FUT8: variants seen among roughly 807,000 people sequenced by gnomAD.
FUT8 encodes fucosyltransferase 8.
In FUT8, 29 loss-of-function variants were observed where a neutral mutation model predicts 71.3. The observed-to-expected ratio is 0.41, with a 90% CI of 0.30 to 0.55. The LOEUF is 0.55. Ranked by LOEUF, FUT8 falls within the 20% of genes least tolerant of loss-of-function variation. FUT8 has a pLI of 0.34. For missense variants in FUT8, 544 were observed against 702.1 expected (o/e 0.77, Z 2.55); for synonymous variants, 254 against 239.3 (o/e 1.06, Z -0.57).
intron 5 of FUT8, among the ~76,000 whole-genome samples, chr14:65,618,158 T>C (rs1451801382): frequency 6.6e-6 from 1 of 150,648 alleles, no homozygotes; most frequent in Non-Finnish European, 1.5e-5. Context: ...CTCGTCAGCC[T>C]CCTGTGTAGC....
intron 2 of FUT8, among the ~76,000 whole-genome samples, chr14:65,477,418 G>C (rs903291551): frequency 6.6e-6 from 1 of 152,134 alleles, no homozygotes; most frequent in African/African-American, 2.4e-5. Flanking sequence ...AAGACTAGAT[G>C]CTCAGGAGCA....
chr14:65,362,651 A>G, the FUT8 span, among the ~76,000 whole-genome samples: 1 of 152,164 alleles, frequency 6.6e-6, no homozygotes, highest in Non-Finnish European at 1.5e-5. Flanking sequence ...GACCCCAGAT[A>G]TCCTCTGATT....
chr14:65,511,010 GT>G (rs1882304211), intron 2 of FUT8, among the ~76,000 whole-genome samples: 1 of 151,772 alleles, frequency 6.6e-6, no homozygotes, highest in Non-Finnish European at 1.5e-5. Context: ...TATATTTAAA[GT>G]TTTTCTTCCT....
intron 7 of FUT8, among the ~76,000 whole-genome samples, chr14:65,705,816 T>G (rs1230292636): frequency 6.6e-6 from 1 of 152,238 alleles, no homozygotes; most frequent in African/African-American, 2.4e-5. Flanking sequence ...TAGTCATTTA[T>G]TGAATATTTT....
intron 2 of FUT8, among the ~76,000 whole-genome samples, chr14:65,549,425 C>T (rs1195573574): frequency 6.6e-6 from 1 of 151,902 alleles, no homozygotes; most frequent in Non-Finnish European, 1.5e-5. Flanking sequence ...GGTTTACCCC[C>T]CAATCTTGTG....
chr14:65,386,549 G>T, the FUT8 span, among the ~76,000 whole-genome samples: 181 of 150,068 alleles, frequency 1.2e-3, 2 homozygotes, highest in Admixed American at 1.5e-3. Context: ...GTTCAACTTG[G>T]GTCTTCGTTT....
chr14:65,602,144 C>T (rs1257671987), intron 3 of FUT8, among the ~76,000 whole-genome samples: 2 of 151,300 alleles, frequency 1.3e-5, no homozygotes, highest in Non-Finnish European at 2.9e-5. Context: ...CCATTTCCCC[C>T]GAGTCCCCAA....
rs1489700980 is a variant in FUT8 at position 65,574,022 on chromosome 14, G to A, written c.203+12256G>A. On this transcript the variant is annotated intron_variant, in intron 3 of 10. Coordinates refer to ENST00000673929, the MANE Select transcript of FUT8 (RefSeq NM_001371533.1). This position sits in a 1 kb window ranked among gnomAD's most constrained non-coding sequence, Gnocchi z 5.2. ...CCCTCACAAAGGTACAAAAGGTGTTGACTGGGTCTGCAGTTTATTTCAAGG... is the reference window on the plus strand; with the variant it reads ...CCCTCACAAAGGTACAAAAGGTGTTAACTGGGTCTGCAGTTTATTTCAAGG... Among the ~76,000 whole-genome samples the A allele has an allele frequency of 6.6e-6, 1 of 152,160 alleles. No homozygotes were observed. The highest frequency in any genetic ancestry group is 2.4e-5 in the African/African-American group (1 of 41,414).
chr14:65,357,214 G>T, the FUT8 span, among the ~76,000 whole-genome samples: 1 of 152,236 alleles, frequency 6.6e-6, no homozygotes, highest in Admixed American at 6.5e-5. Context: ...ACTTGGAAGA[G>T]TGCTTGTCAC....
intron 1 of FUT8, among the ~76,000 whole-genome samples, chr14:65,430,888 A>T (rs1052697674): frequency 3.3e-5 from 5 of 152,148 alleles, no homozygotes; most frequent in Admixed American, 3.3e-4. Flanking sequence ...GTAAAAAATG[A>T]GATGAGCAAT....
chr14:65,386,150 T>TAA, the FUT8 span, among the ~76,000 whole-genome samples: 41 of 142,482 alleles, frequency 2.9e-4, no homozygotes, highest in African/African-American at 7.9e-4. Flanking sequence ...AGACTCCATC[T>TAA]AAAAAAAAAA....
At chr14:65,678,737 A>G (rs754982302) in intron 7 of FUT8, among the ~76,000 whole-genome samples, 2 of 152,198 alleles carry the variant, frequency 1.3e-5, no homozygotes, top group African/African-American at 2.4e-5. Context: ...ACCTAAAAGT[A>G]GAAAGGGTTT....
At chr14:65,508,192 C>T (rs894908975) in intron 2 of FUT8, among the ~76,000 whole-genome samples, 1 of 151,422 alleles carries the variant, frequency 6.6e-6, no homozygotes, top group Non-Finnish European at 1.5e-5. Flanking sequence ...CTCAGCCTCC[C>T]GAGTAGCTGG....
At chr14:65,523,064 T>C (rs1026918169) in intron 2 of FUT8, among the ~76,000 whole-genome samples, 1 of 152,200 alleles carries the variant, frequency 6.6e-6, no homozygotes, top group African/African-American at 2.4e-5. Context: ...AGCAGCATGA[T>C]TTATAATCCT....
chr14:65,699,804 GA>G (rs1894192354), intron 7 of FUT8, among the ~76,000 whole-genome samples: 1 of 152,094 alleles, frequency 6.6e-6, no homozygotes, highest in Non-Finnish European at 1.5e-5. Context: ...CATTCTCAAA[GA>G]ATATTTACTG....
At chr14:65,434,448 C>G (rs1427511755) in intron 1 of FUT8, among the ~76,000 whole-genome samples, 1 of 152,204 alleles carries the variant, frequency 6.6e-6, no homozygotes, top group Non-Finnish European at 1.5e-5. Flanking sequence ...ACATCAGAAC[C>G]ACACAAATCG....
chr14:65,707,636 T>C (rs1309676076), intron 7 of FUT8, among the ~76,000 whole-genome samples: 1 of 152,186 alleles, frequency 6.6e-6, no homozygotes, highest in African/African-American at 2.4e-5. Flanking sequence ...TAAAGTCTTA[T>C]AACCATTTTG....
intron 7 of FUT8, among the ~76,000 whole-genome samples, chr14:65,692,616 AC>A (rs948727834): frequency 7.3e-6 from 1 of 137,696 alleles, no homozygotes; most frequent in African/African-American, 2.8e-5. Context: ...GCTGACCCCC[AC>A]CCCCCTCCCA....
intron 7 of FUT8, among the ~76,000 whole-genome samples, chr14:65,715,974 C>A (rs868433709): frequency 2.5e-3 from 319 of 126,716 alleles, no homozygotes; most frequent in South Asian, 3.0e-3. Flanking sequence ...GACCCTCTCT[C>A]AAAAAAAAAA....
Sources: gnomAD v4.1 joint callset for allele counts (sites outside exome capture counted in the v4.1 genomes callset) on GRCh38, gnomAD v4.1.1 for gene constraint, Gnocchi (gnomAD v3.1) non-coding constraint, MANE v1.5 for transcripts, NCBI Gene and HGNC (gene_info 2026-07-23, HGNC 2026-07-21) for gene names.